BNC2: variants seen among roughly 807,000 people sequenced by gnomAD.
BNC2 encodes basonuclin zinc finger protein 2.
BNC2 carries 20 observed loss-of-function variants against 76.3 expected under a neutral mutation model. The observed-to-expected ratio is 0.26, with a 90% CI of 0.18 to 0.38. The LOEUF is 0.38. BNC2 is among the 10% of genes least tolerant of loss of function. The probability of loss-of-function intolerance (pLI) is 1.00; values close to 1 mark genes in which losing one functional copy is unlikely to be tolerated. For missense variants in BNC2, 1,382 were observed against 1,399.8 expected (o/e 0.99, Z 0.20); for synonymous variants, 582 against 514.8 (o/e 1.13, Z -1.77).
chr9:16,603,209 C>G (rs1412460816), intron 3 of BNC2, among the ~76,000 whole-genome samples: 1 of 152,178 alleles, frequency 6.6e-6, no homozygotes, highest in Non-Finnish European at 1.5e-5. Context: ...GAAATGTTCA[C>G]ACACTAGCAG....
intron 1 of BNC2, among the ~76,000 whole-genome samples, chr9:16,739,852 T>C (rs1335500887): frequency 6.6e-6 from 1 of 152,212 alleles, no homozygotes; most frequent in African/African-American, 2.4e-5. Context: ...AATGGTAGCA[T>C]TATCAACAGA....
intron 3 of BNC2, among the ~76,000 whole-genome samples, chr9:16,613,615 C>A (rs868343366): frequency 2.0e-5 from 3 of 152,276 alleles, no homozygotes; most frequent in Middle Eastern, 3.4e-3. Context: ...CAAGAAGATC[C>A]CCCTGCTACT....
At chr9:16,582,472 T>C (rs1819652439) in intron 4 of BNC2, among the ~76,000 whole-genome samples, 1 of 152,160 alleles carries the variant, frequency 6.6e-6, no homozygotes, top group Admixed American at 6.5e-5. Flanking sequence ...TTACAGGTTA[T>C]ATTTTCAGAT....
chr9:16,504,851 T>C (rs774729456), intron 5 of BNC2, among the ~76,000 whole-genome samples: 3 of 152,008 alleles, frequency 2.0e-5, no homozygotes, highest in South Asian at 2.1e-4. Context: ...CAGCAAGACC[T>C]CATCTCTTAA....
At chr9:16,779,130 A>AAAGAAAAG (rs1554729003) in intron 1 of BNC2, among the ~76,000 whole-genome samples, 16 of 87,634 alleles carry the variant, frequency 1.8e-4, no homozygotes, top group African/African-American at 6.6e-4. Flanking sequence ...AAAAAAAAAA[A>AAAGAAAAG]AAAAGAAAAG....
chr9:16,763,473 G>C (rs887302173), intron 1 of BNC2, among the ~76,000 whole-genome samples: 1 of 152,040 alleles, frequency 6.6e-6, no homozygotes, highest in African/African-American at 2.4e-5. Context: ...GGGAAGCTGA[G>C]GCAGAAGGAT....
intron 3 of BNC2, among the ~76,000 whole-genome samples, chr9:16,631,135 C>G (rs1487051833): frequency 2.6e-5 from 4 of 152,120 alleles, no homozygotes; most frequent in Admixed American, 6.5e-5. Context: ...AATCTCAAGA[C>G]AAATAACCAA....
At chr9:16,764,733 TTGTCTG>T (rs1242382804) in intron 1 of BNC2, among the ~76,000 whole-genome samples, 2 of 41,636 alleles carry the variant, frequency 4.8e-5, no homozygotes, top group East Asian at 1.0e-3. Flanking sequence ...CTTTACTTAT[TTGTCTG>T]TTTTTTTTTT....
chr9:16,745,656 A>G (rs927734713), intron 1 of BNC2, among the ~76,000 whole-genome samples: 2 of 152,242 alleles, frequency 1.3e-5, no homozygotes, highest in Non-Finnish European at 2.9e-5. Context: ...AATGAAAGTC[A>G]TATTTAAATA....
intron 5 of BNC2, among the ~76,000 whole-genome samples, chr9:16,529,916 G>A (rs1245251385): frequency 3.9e-5 from 6 of 152,026 alleles, no homozygotes; most frequent in African/African-American, 4.8e-5. Flanking sequence ...TGGCATGATC[G>A]CGGCTCACCA....
At chr9:16,487,046 A>G (rs1822179418) in intron 5 of BNC2, among the ~76,000 whole-genome samples, 1 of 152,184 alleles carries the variant, frequency 6.6e-6, no homozygotes, top group Admixed American at 6.5e-5. Flanking sequence ...TTTTAAATCC[A>G]CTGGGAATCC....
At chr9:16,483,791 G>T (rs190940807) in intron 5 of BNC2, among the ~76,000 whole-genome samples, 10 of 152,270 alleles carry the variant, frequency 6.6e-5, no homozygotes, top group African/African-American at 2.2e-4. Context: ...CCTAAGGAAT[G>T]GTCCCTGAGC....
Position 16,409,985 on chromosome 9 carries a change from TTC to T in BNC2, c.*9002_*9003del, listed in dbSNP as rs566481305. ...GGGAGAGGACATATCTTAGTGAAAA[TTC>T]CTTTTCTTCAAGATATTTCAACTCC... On this transcript the variant is annotated 3_prime_UTR_variant, in exon 7 of 7. Coordinates refer to ENST00000380672, the MANE Select transcript of BNC2 (RefSeq NM_017637.6). 7.4e-4 allele frequency: 112 copies of T among 152,268 alleles called. No homozygotes were observed. Among genetic ancestry groups the T allele is most frequent in the African/African-American group, 2.6e-3 (110 of 41,556 alleles). The allele number at this position is 152,268 out of a possible 1,614,324, so 9.4% of individuals were successfully genotyped here.
intron 3 of BNC2, among the ~76,000 whole-genome samples, chr9:16,644,520 T>G (rs1307652452): frequency 6.6e-6 from 1 of 152,204 alleles, no homozygotes; most frequent in Non-Finnish European, 1.5e-5. Context: ...CTAAGTCATT[T>G]ATAGTCATAG....
At chr9:16,577,330 T>C (rs1819514188) in intron 4 of BNC2, among the ~76,000 whole-genome samples, 1 of 149,724 alleles carries the variant, frequency 6.7e-6, no homozygotes, top group Admixed American at 6.7e-5. Context: ...AATTCAACCA[T>C]GCTGAGAAAA....
intron 1 of BNC2, among the ~76,000 whole-genome samples, chr9:16,749,349 G>C (rs1825112645): frequency 6.6e-6 from 1 of 152,136 alleles, no homozygotes; most frequent in East Asian, 1.9e-4. Flanking sequence ...AGAGCAATTT[G>C]AGCCAAGATT....
At chr9:16,739,522 G>A (rs1319123129) in intron 1 of BNC2, among the ~76,000 whole-genome samples, 11 of 152,078 alleles carry the variant, frequency 7.2e-5, no homozygotes, top group African/African-American at 2.7e-4. Context: ...TACAAAAGAA[G>A]TTAGCCAGGT....
chr9:16,725,544 C>T (rs139100883), intron 3 of BNC2, among the ~76,000 whole-genome samples: 19 of 152,020 alleles, frequency 1.2e-4, no homozygotes, highest in African/African-American at 4.6e-4. Context: ...ATATTTAAAA[C>T]TGTGATTTCT....
chr9:16,789,416 C>T (rs138579946), intron 1 of BNC2, among the ~76,000 whole-genome samples: 80 of 152,266 alleles, frequency 5.3e-4, no homozygotes, highest in African/African-American at 1.9e-3. Context: ...AGACCCTCCC[C>T]ATTGCCTACA....
Sources: gnomAD v4.1 joint callset for allele counts (sites outside exome capture counted in the v4.1 genomes callset) on GRCh38, gnomAD v4.1.1 for gene constraint, MANE v1.5 for transcripts, NCBI Gene and HGNC (gene_info 2026-07-23, HGNC 2026-07-21) for gene names.